The following NANOS3 variants were observed in gnomAD, a reference collection of about 807,000 sequenced individuals.
NANOS3 encodes the protein nanos homolog 3.
NANOS3 carries 11 observed loss-of-function variants against 13.8 expected under a neutral mutation model. That is an observed-to-expected ratio of 0.80 (90% CI 0.50 to 1.32). NANOS3 has a LOEUF of 1.32. NANOS3 is among the 40% of genes most tolerant of loss of function. NANOS3 has a pLI of 0.00. For synonymous variants in NANOS3, 119 were observed against 115.4 expected (o/e 1.03, Z -0.20); for missense variants, 221 against 263.8 (o/e 0.84, Z 1.12).
intron 1 of NANOS3, among the ~76,000 whole-genome samples, chr19:13,879,740 A>G (rs1003752996): frequency 2.8e-5 from 4 of 141,910 alleles, no homozygotes; most frequent in African/African-American, 8.4e-5. Flanking sequence ...AAAAAAAAAA[A>G]AGCACTGGTC....
At chr19:13,874,962 G>T, upstream of NANOS3, 1 of 529,450 alleles carries the variant, frequency 1.9e-6, no homozygotes, top group South Asian at 1.4e-5. Flanking sequence ...CCCACCGGGG[G>T]ATGAATGTCA....
At position 13,870,034 on chromosome 19, in the gene NANOS3, G is replaced by C. The variant is rs1309099601; in HGVS notation, n.21+4597G>C. Among the ~76,000 whole-genome samples the C allele has an allele frequency of 4.0e-5, 6 of 151,014 alleles. No individual in the cohort carries two copies. In the East Asian group the frequency reaches 1.2e-3, roughly 29 times the overall value. On this transcript the variant is annotated intron_variant and non_coding_transcript_variant, in intron 1 of 2. Coordinates refer to the NANOS3 transcript ENST00000591161. Reference sequence around the variant, plus strand: ...CTTGGAGACCTGGCCTTCTAGCCATGCCCACCTTGTTCTTCAACTATTTTT... The same window carrying C: ...CTTGGAGACCTGGCCTTCTAGCCATCCCCACCTTGTTCTTCAACTATTTTT...
At chr19:13,870,862 G>C (rs1407742860) in intron 1 of NANOS3, among the ~76,000 whole-genome samples, 2 of 151,874 alleles carry the variant, frequency 1.3e-5, no homozygotes, top group Non-Finnish European at 2.9e-5. Flanking sequence ...TTACAGGAAT[G>C]AGCCACCGTG....
At chr19:13,865,317 C>T (rs1976217328), upstream of NANOS3, 1 of 146,476 alleles carries the variant, frequency 6.8e-6, no homozygotes, top group Non-Finnish European at 1.5e-5. Flanking sequence ...CCTAGGGAGC[C>T]CCCGCCCTGC....
intron 1 of NANOS3, among the ~76,000 whole-genome samples, chr19:13,868,040 ATT>A (rs879515050): frequency 1.4e-5 from 2 of 141,516 alleles, no homozygotes; most frequent in Non-Finnish European, 3.1e-5. Flanking sequence ...ACCCAATAAT[ATT>A]TTTTTTTTTT....
At chr19:13,867,088 G>A (rs1427827545) in intron 1 of NANOS3, among the ~76,000 whole-genome samples, 2 of 151,926 alleles carry the variant, frequency 1.3e-5, no homozygotes, top group African/African-American at 4.8e-5. Context: ...TTACAGGCGC[G>A]TGCCACCACA....
At chr19:13,880,231 G>A (rs776268831) in intron 1 of NANOS3, among the ~76,000 whole-genome samples, 1 of 152,144 alleles carries the variant, frequency 6.6e-6, no homozygotes, top group African/African-American at 2.4e-5. Context: ...CACCACAGTC[G>A]CAGAATCGGA....
At chr19:13,864,861 GC>G (rs1183181995), upstream of NANOS3, among the ~76,000 whole-genome samples, 2 of 152,098 alleles carry the variant, frequency 1.3e-5, no homozygotes, top group African/African-American at 4.8e-5. Flanking sequence ...CCCTCGTGCG[GC>G]CCGGCACGCC....
At chr19:13,865,407 A>G (rs2145062228), upstream of NANOS3, 1 of 144,566 alleles carries the variant, frequency 6.9e-6, no homozygotes, top group Non-Finnish European at 1.5e-5. Flanking sequence ...TGGAAAGAAG[A>G]GGGGGAAATG....
upstream of NANOS3, among the ~76,000 whole-genome samples, chr19:13,865,013 G>A (rs531384802): frequency 1.4e-4 from 21 of 152,026 alleles, no homozygotes; most frequent in Non-Finnish European, 2.5e-4. Flanking sequence ...GGGTCCCTGC[G>A]TGTGCCCGCC....
intron 1 of NANOS3, among the ~76,000 whole-genome samples, chr19:13,868,747 TG>T (rs1237818192): frequency 6.6e-6 from 1 of 150,662 alleles, no homozygotes; most frequent in African/African-American, 2.4e-5. Context: ...GGGAATGGGA[TG>T]GGGGGGACAC....
rs1568367057 is a variant in NANOS3 at position 13,880,470 on chromosome 19, T to TTCGCCC, written c.549_554dup (p.Pro184_Ser185dup). On this transcript the variant is annotated inframe_insertion, in exon 2 of 2. Transcript: ENST00000339133. The stretch of plus-strand genomic sequence containing the variant: ...TCAGAGGTGCCGGGAAGTCTGAGCC[T>TTCGCCC]TCGCCCTCCTGCTCTCCCTCCATGT... The TTCGCCC allele has an allele frequency of 6.2e-7, 1 of 1,613,976 alleles. No homozygotes were observed. Among genetic ancestry groups the TTCGCCC allele is most frequent in the South Asian group, 1.1e-5 (1 of 91,062 alleles).
upstream of NANOS3, among the ~76,000 whole-genome samples, chr19:13,862,406 G>A (rs1183096141): frequency 6.6e-6 from 1 of 152,168 alleles, no homozygotes; most frequent in Non-Finnish European, 1.5e-5. Context: ...CCACAGCTGG[G>A]AGGGCGCTGG....
At chr19:13,870,225 G>A (rs1051973876) in intron 1 of NANOS3, among the ~76,000 whole-genome samples, 12 of 151,936 alleles carry the variant, frequency 7.9e-5, no homozygotes, top group African/African-American at 2.9e-4. Flanking sequence ...GACTACAGGC[G>A]CACACCACCA....
At chr19:13,873,621 C>T (rs910582965), upstream of NANOS3, among the ~76,000 whole-genome samples, 13 of 152,072 alleles carry the variant, frequency 8.5e-5, no homozygotes, top group African/African-American at 2.9e-4. Context: ...AGACTACAGG[C>T]TCACTACACC....
chr19:13,870,526 G>T (rs559559104), intron 1 of NANOS3, among the ~76,000 whole-genome samples: 45 of 151,114 alleles, frequency 3.0e-4, no homozygotes, highest in African/African-American at 1.0e-3. Context: ...TGCTATGTGT[G>T]GGGGGGTGGG....
At chr19:13,862,952 C>G (rs1408185586), upstream of NANOS3, among the ~76,000 whole-genome samples, 2 of 152,234 alleles carry the variant, frequency 1.3e-5, no homozygotes, top group African/African-American at 4.8e-5. Flanking sequence ...TGGGAAGAAT[C>G]TGAGATGATG....
At chr19:13,869,639 A>T (rs1010643086) in intron 1 of NANOS3, among the ~76,000 whole-genome samples, 1 of 150,840 alleles carries the variant, frequency 6.6e-6, no homozygotes, top group Non-Finnish European at 1.5e-5. Context: ...CATCACCGTG[A>T]CCCCACGGAG....
At chr19:13,862,798 A>G (rs1286696529), upstream of NANOS3, among the ~76,000 whole-genome samples, 1 of 152,150 alleles carries the variant, frequency 6.6e-6, no homozygotes, top group Non-Finnish European at 1.5e-5. Flanking sequence ...CGGCCTCCCA[A>G]AATGCTGTGA....
Sources: allele counts gnomAD v4.1 joint callset (sites outside exome capture counted in the v4.1 genomes callset), GRCh38; gene constraint gnomAD v4.1.1; transcripts MANE v1.5; gene names NCBI Gene and HGNC (gene_info 2026-07-23, HGNC 2026-07-21).